ANKRD17: variants seen among roughly 807,000 people sequenced by gnomAD.
ANKRD17 encodes the protein ankyrin repeat domain-containing protein 17.
ANKRD17 carries 19 observed loss-of-function variants against 229.7 expected under a neutral mutation model. That is an observed-to-expected ratio of 0.08 (90% confidence interval 0.06 to 0.12). The LOEUF is 0.12. Among genes scored for constraint, ANKRD17 ranks in the 10% least tolerant of loss-of-function variants. The pLI, the probability that ANKRD17 is intolerant of heterozygous loss-of-function variation, is 1.00. For synonymous variants in ANKRD17, 1,112 were observed against 1,146.1 expected, an observed-to-expected ratio of 0.97 and a Z score of 0.60; for missense variants, 2,176 against 3,176.8, an observed-to-expected ratio of 0.68 and a Z score of 7.57.
chr4:73,097,072 T>C, intron 27 of ANKRD17, 45 bp downstream of exon 27: 2 of 1,559,470 alleles, frequency 1.3e-6, no homozygotes, highest in South Asian at 1.2e-5. Flanking sequence ...AACACTTGAC[T>C]GTGATATATA....
intron 1 of ANKRD17, among the ~76,000 whole-genome samples, chr4:73,218,726 A>G (rs1279475118): frequency 6.6e-6 from 1 of 151,926 alleles, no homozygotes; most frequent in Non-Finnish European, 1.5e-5. Context: ...CCTCTGTGAG[A>G]CAAAATTAGC....
rs372432573 is a variant in ANKRD17 at position 73,247,142 on chromosome 4, T to G, written c.393+11134A>C. Among the ~76,000 whole-genome samples the G allele has an allele frequency of 1.6e-4, 25 of 152,072 alleles. No individual in the cohort carries two copies. The East Asian group carries it at 4.1e-3, about 25-fold the overall frequency. ...AATAGGTAAAGGATAAACCAGGAAA[T>G]TTTCAAGACATCCAAATGAAAAACA... On this transcript the variant is annotated intron_variant, in intron 1 of 33. Coordinates refer to ENST00000358602, the MANE Select transcript of ANKRD17 (RefSeq NM_032217.5).
rs180807110 is a variant in ANKRD17 at position 73,207,909 on chromosome 4, C to T, written c.394-30376G>A. ...GTAAGGGTATTAAAAAAACTTGAGG[C>T]CGGGCACAGTGGCTCACGCCTGTAA... On this transcript the variant is annotated intron_variant, in intron 1 of 33. Transcript: ENST00000358602. Among the ~76,000 whole-genome samples the T allele has an allele frequency of 1.1e-4, 16 of 152,208 alleles. 1 individual carries two copies. The highest frequency in any genetic ancestry group is 3.9e-4 in the African/African-American group (16 of 41,532).
At chr4:73,179,384 A>T (rs1405302861) in intron 1 of ANKRD17, among the ~76,000 whole-genome samples, 4 of 147,912 alleles carry the variant, frequency 2.7e-5, no homozygotes, top group Non-Finnish European at 4.5e-5. Context: ...ACAATTTTTT[A>T]AAATTATATA....
Position 73,188,807 on chromosome 4 carries a change from T to G in ANKRD17, c.394-11274A>C, listed in dbSNP as rs142082311. On this transcript the variant is annotated intron_variant, in intron 1 of 33. Coordinates refer to ENST00000358602, the MANE Select transcript of ANKRD17 (RefSeq NM_032217.5). Reference sequence around the variant, plus strand: ...TCTTGGGTAAAGTCTAGAAAGAGGATATAAGCCTTTGGCGAGAATGATTAT... The same window carrying G: ...TCTTGGGTAAAGTCTAGAAAGAGGAGATAAGCCTTTGGCGAGAATGATTAT... Among the ~76,000 whole-genome samples, 379 of 152,242 alleles carry G rather than the reference T, an allele frequency of 2.5e-3. 2 individuals carry two copies. Among genetic ancestry groups the G allele is most frequent in the South Asian group, 0.016 (77 of 4,818 alleles).
chr4:73,254,151 C>G (rs1169167305), intron 1 of ANKRD17, among the ~76,000 whole-genome samples: 2 of 152,218 alleles, frequency 1.3e-5, no homozygotes, highest in East Asian at 3.9e-4. Flanking sequence ...AGCACTTTTC[C>G]AATAAAAAAC....
At chr4:73,198,061 C>T (rs750891553) in intron 1 of ANKRD17, among the ~76,000 whole-genome samples, 2 of 152,106 alleles carry the variant, frequency 1.3e-5, no homozygotes, top group Admixed American at 1.3e-4. Flanking sequence ...AGTCTCCATA[C>T]ATACAATCTA....
intron 1 of ANKRD17, among the ~76,000 whole-genome samples, chr4:73,198,992 G>A (rs1177546681): frequency 1.3e-5 from 2 of 152,116 alleles, no homozygotes; most frequent in African/African-American, 2.4e-5. Flanking sequence ...TACTCTTTGG[G>A]AACAAATTCA....
At chr4:73,175,569 T>C (rs1048338445) in intron 2 of ANKRD17, among the ~76,000 whole-genome samples, 2 of 152,210 alleles carry the variant, frequency 1.3e-5, no homozygotes, top group African/African-American at 4.8e-5. Flanking sequence ...TACAGAGTTA[T>C]AGTAACCAAA....
intron 2 of ANKRD17, among the ~76,000 whole-genome samples, chr4:73,172,129 A>G (rs1233764932): frequency 1.3e-5 from 2 of 152,196 alleles, no homozygotes; most frequent in Admixed American, 6.5e-5. Context: ...GCACTTAATA[A>G]TCAAACTTCC....
At chr4:73,206,535 G>A (rs1739480154) in intron 1 of ANKRD17, among the ~76,000 whole-genome samples, 1 of 151,828 alleles carries the variant, frequency 6.6e-6, no homozygotes, top group Admixed American at 6.6e-5. Context: ...GGAGGAACCT[G>A]GAGAACACTG....
chr4:73,212,239 CCAA>C (rs34613660), intron 1 of ANKRD17, among the ~76,000 whole-genome samples: 9,149 of 152,088 alleles, frequency 0.06, 950 homozygotes, highest in African/African-American at 0.21. Context: ...ACTGAAGATA[CCAA>C]CAACAAAGCT....
In ANKRD17 at chr4:73,090,886, G is replaced by A. The variant is rs754433737; in HGVS notation, c.6742C>T (p.Pro2248Ser). Residue 2248 changes from proline to serine, a missense_variant, in exon 29 of 34, where the codon CCC becomes TCC. Transcript: ENST00000358602. Reference protein sequence around the residue: ...NKPIAPNFSAPLPFGPFSTLF... With the variant: ...NKPIAPNFSASLPFGPFSTLF... ...GTGCTAAAGGGCCCAAATGGTAAGG[G>A]GGCACTGAAATTGGGAGCAATAGGC... is the stretch of plus-strand genomic sequence containing the variant. 3 of 1,614,220 alleles carry A rather than the reference G, an allele frequency of 1.9e-6. No individual in the cohort carries two copies. The highest frequency in any genetic ancestry group is 2.5e-6 in the Non-Finnish European group (3 of 1,180,058).
intron 1 of ANKRD17, among the ~76,000 whole-genome samples, chr4:73,215,785 G>A (rs1198872913): frequency 6.6e-6 from 1 of 152,144 alleles, no homozygotes; most frequent in East Asian, 1.9e-4. Context: ...TTTTAAAGAA[G>A]ATTATCCACA....
intron 1 of ANKRD17, among the ~76,000 whole-genome samples, chr4:73,247,133 A>G (rs2149273030): frequency 6.6e-6 from 1 of 152,226 alleles, no homozygotes; most frequent in East Asian, 1.9e-4. Context: ...TAAAGGATAA[A>G]CCAGGAAATT....
intron 24 of ANKRD17, among the ~76,000 whole-genome samples, chr4:73,108,701 C>A (rs1005296815): frequency 6.6e-6 from 1 of 152,008 alleles, no homozygotes; most frequent in African/African-American, 2.4e-5. Flanking sequence ...GAGTTGAGAG[C>A]CAGCCTGTCA....
rs1727244532 is a variant in ANKRD17 at position 73,124,989 on chromosome 4, C to T, written c.3416G>A (p.Gly1139Asp). 6.8e-6 allele frequency: 11 copies of T among 1,614,020 alleles called. No homozygotes were observed. The highest frequency in any genetic ancestry group is 8.5e-6 in the Non-Finnish European group (10 of 1,180,036). ...VGVVEILLDNGADIEAQSERT... is the reference protein window; with the variant it reads ...VGVVEILLDNDADIEAQSERT... ...TTCAGACTGGGCTTCAATGTCTGCA[C>T]CATTGTCCAGCAATATTTCCACAAC... Residue 1139 changes from glycine (G) to aspartate (D), a missense_variant, in exon 18 of 34, where the codon GGT becomes GAT. Physicochemically the swap from Gly to Asp is moderately conservative, Grantham distance 94. Transcript: ENST00000358602.
chr4:73,097,972 C>T, intron 26 of ANKRD17, 101 bp downstream of exon 26: 1 of 1,112,812 alleles, frequency 9.0e-7, no homozygotes, highest in South Asian at 1.7e-5. Flanking sequence ...AAGAAAAATC[C>T]TATTTTGCAA....
intron 33 of ANKRD17, 136 bp downstream of exon 33, chr4:73,076,804 A>G (rs1560484943): frequency 9.3e-7 from 1 of 1,078,122 alleles, no homozygotes; most frequent in South Asian, 1.8e-5. Flanking sequence ...CCTCTGCTAT[A>G]TTGCAGCTAT....
Sources: gnomAD v4.1 joint callset for allele counts (sites outside exome capture counted in the v4.1 genomes callset) on GRCh38, gnomAD v4.1.1 for gene constraint, MANE v1.5 for transcripts, NCBI Gene and HGNC (gene_info 2026-07-23, HGNC 2026-07-21) for gene names.